FABP6: variants seen among roughly 807,000 people sequenced by gnomAD.
FABP6 encodes gastrotropin.
In FABP6, 13 loss-of-function variants were observed where a neutral mutation model predicts 14.9. That is an observed-to-expected ratio of 0.87 (90% confidence interval 0.57 to 1.39). The LOEUF (loss-of-function observed/expected upper bound fraction) is 1.39, where lower values mean the gene tolerates loss of function less well. Among genes scored for constraint, FABP6 ranks in the 40% most tolerant of loss-of-function variants. The pLI is 0.00. For missense variants in FABP6, 161 were observed against 167.2 expected (o/e 0.96, Z 0.20); for synonymous variants, 75 against 63.6 (o/e 1.18, Z -0.85).
At chr5:160,189,995 A>G (rs914623607) in intron 1 of FABP6, among the ~76,000 whole-genome samples, 18 of 152,130 alleles carry the variant, frequency 1.2e-4, no homozygotes, top group African/African-American at 3.9e-4. Context: ...ACATATTCCT[A>G]CTTTACAGGA....
chr5:160,189,302 C>T (rs1759349769), intron 1 of FABP6, among the ~76,000 whole-genome samples: 1 of 152,084 alleles, frequency 6.6e-6, no homozygotes, highest in Non-Finnish European at 1.5e-5. Flanking sequence ...AGTGCAATGG[C>T]AGGATATCGG....
In FABP6 at chr5:160,232,145, A is replaced by C. The variant is rs760709249; in HGVS notation, c.115A>C (p.Thr39Pro). Residue 39 changes from threonine to proline, a missense_variant, in exon 2 of 4, where the codon ACG (threonine) becomes CCG (proline). Physicochemically the swap from Thr to Pro is conservative, Grantham distance 38. Coordinates refer to ENST00000402432, the MANE Select transcript of FABP6 (RefSeq NM_001445.3). Reference protein sequence around the residue: ...IEKARNFKIVTEVQQDGQDFT... With the variant: ...IEKARNFKIVPEVQQDGQDFT... Reference sequence around the variant, plus strand: ...AAAGGCCCGCAACTTCAAGATCGTCACGGAGGTGCAGCAGGATGGGCAGGA... The same window carrying C: ...AAAGGCCCGCAACTTCAAGATCGTCCCGGAGGTGCAGCAGGATGGGCAGGA... 9 of 1,613,898 alleles carry C rather than the reference A, an allele frequency of 5.6e-6. No homozygotes were observed. In the South Asian group the frequency reaches 9.9e-5, roughly 18 times the overall value.
upstream of FABP6, among the ~76,000 whole-genome samples, chr5:160,225,399 CTTTTTTTTTTT>C (rs1284538826): frequency 8.1e-6 from 1 of 123,500 alleles, no homozygotes; most frequent in East Asian, 2.5e-4. Context: ...CCAGCCCCAC[CTTTTTTTTTTT>C]TTTTTTTTTG....
chr5:160,216,760 G>T (rs1413030505), intron 3 of FABP6, among the ~76,000 whole-genome samples: 1 of 152,124 alleles, frequency 6.6e-6, no homozygotes, highest in Non-Finnish European at 1.5e-5. Flanking sequence ...CTGTAAGTAG[G>T]GATTATTACA....
At chr5:160,228,219 C>A (rs1414860678), upstream of FABP6, among the ~76,000 whole-genome samples, 1 of 151,934 alleles carries the variant, frequency 6.6e-6, no homozygotes, top group East Asian at 1.9e-4. Context: ...TGGAGAAACC[C>A]CGTCTCTACT....
chr5:160,195,169 C>A (rs1759484073), intron 1 of FABP6, among the ~76,000 whole-genome samples: 1 of 151,532 alleles, frequency 6.6e-6, no homozygotes, highest in African/African-American at 2.4e-5. Flanking sequence ...CCTATAATCC[C>A]AGCTACTCAG....
intron 1 of FABP6, among the ~76,000 whole-genome samples, chr5:160,193,960 G>C (rs906383173): frequency 3.3e-5 from 5 of 152,230 alleles, no homozygotes; most frequent in Non-Finnish European, 5.9e-5. Context: ...GCGCTCGTCG[G>C]GGAGGCTCGG....
Position 160,229,549 on chromosome 5 carries a change from C to T in FABP6, c.-9C>T. Reference sequence around the variant, plus strand: ...CCCTCTGCTCTCTGGCCTCCAGCCTCCCAGCAGCATGGCTTTCACCGGCAA... The same window carrying T: ...CCCTCTGCTCTCTGGCCTCCAGCCTTCCAGCAGCATGGCTTTCACCGGCAA... On this transcript the variant is annotated 5_prime_UTR_variant, in exon 1 of 4. Coordinates refer to ENST00000402432, the MANE Select transcript of FABP6 (RefSeq NM_001445.3). 6.2e-7 allele frequency: 1 copy of T among 1,613,954 alleles called. No individual in the cohort carries two copies. Among genetic ancestry groups the T allele is most frequent in the Non-Finnish European group, 8.5e-7 (1 of 1,179,910 alleles).
intron 2 of FABP6, among the ~76,000 whole-genome samples, chr5:160,200,820 GCCACA>G (rs1759620783): frequency 6.7e-6 from 1 of 149,678 alleles, no homozygotes; most frequent in Non-Finnish European, 1.5e-5. Context: ...TCCTGGCCTG[GCCACA>G]CCTAATCCTT....
upstream of FABP6, among the ~76,000 whole-genome samples, chr5:160,225,403 T>A (rs1385303644): frequency 6.8e-6 from 1 of 147,058 alleles, no homozygotes; most frequent in Non-Finnish European, 1.5e-5. Context: ...CCCCACCTTT[T>A]TTTTTTTTTT....
At chr5:160,206,502 A>C (rs944949123) in intron 2 of FABP6, among the ~76,000 whole-genome samples, 3 of 152,210 alleles carry the variant, frequency 2.0e-5, no homozygotes, top group African/African-American at 7.2e-5. Flanking sequence ...TAATATACAC[A>C]GAGAAAAGTA....
At chr5:160,232,879 AGAGT>A (rs1760421630) in intron 2 of FABP6, among the ~76,000 whole-genome samples, 1 of 151,670 alleles carries the variant, frequency 6.6e-6, no homozygotes, top group African/African-American at 2.4e-5. Flanking sequence ...CCTGGGCGAC[AGAGT>A]GAGAGTCCAT....
At chr5:160,210,937 T>C (rs1355927254) in intron 2 of FABP6, among the ~76,000 whole-genome samples, 1 of 152,146 alleles carries the variant, frequency 6.6e-6, no homozygotes, top group East Asian at 1.9e-4. Flanking sequence ...GAGGGGGCAA[T>C]GAATGATTGC....
chr5:160,204,257 C>T (rs1047399891), intron 2 of FABP6, among the ~76,000 whole-genome samples: 3 of 151,918 alleles, frequency 2.0e-5, no homozygotes, highest in Non-Finnish European at 4.4e-5. Context: ...TTGGAGGCTG[C>T]AATGAGCTAT....
At chr5:160,210,252 C>T (rs1483510850) in intron 2 of FABP6, among the ~76,000 whole-genome samples, 1 of 152,182 alleles carries the variant, frequency 6.6e-6, no homozygotes, top group Non-Finnish European at 1.5e-5. Context: ...GTTCTGGCAC[C>T]CAGTGATGAC....
chr5:160,220,624 A>G (rs565958712), intron 3 of FABP6, among the ~76,000 whole-genome samples: 3 of 151,838 alleles, frequency 2.0e-5, no homozygotes, highest in South Asian at 2.1e-4. Context: ...TATTAATAAT[A>G]AATAAGGCTT....
chr5:160,194,929 G>T (rs538483035), intron 1 of FABP6, among the ~76,000 whole-genome samples: 28 of 152,296 alleles, frequency 1.8e-4, no homozygotes, highest in Non-Finnish European at 3.4e-4. Context: ...GGAGCTCAAG[G>T]AATATTTGTT....
intron 2 of FABP6, among the ~76,000 whole-genome samples, chr5:160,203,992 C>T (rs890256256): frequency 6.6e-6 from 1 of 152,050 alleles, no homozygotes; most frequent in African/African-American, 2.4e-5. Context: ...TGAGCCACCG[C>T]GCCCAGCCTC....
intron 2 of FABP6, among the ~76,000 whole-genome samples, chr5:160,212,463 G>C (rs933618142): frequency 1.3e-5 from 2 of 150,928 alleles, no homozygotes; most frequent in Non-Finnish European, 3.0e-5. Flanking sequence ...CCTACAACTG[G>C]CTAATTTTTA....
Sources: allele counts gnomAD v4.1 joint callset (sites outside exome capture counted in the v4.1 genomes callset), GRCh38; gene constraint gnomAD v4.1.1; transcripts MANE v1.5; gene names NCBI Gene and HGNC (gene_info 2026-07-23, HGNC 2026-07-21).